CDC14B: variants seen among roughly 807,000 people sequenced by gnomAD.
CDC14B encodes cell division cycle 14B, also known as dual specificity protein phosphatase CDC14B.
Under a neutral mutation model 64.2 loss-of-function variants are expected in CDC14B, and 22 were observed. The observed-to-expected ratio is 0.34, with a 90% CI of 0.24 to 0.49. The LOEUF (loss-of-function observed/expected upper bound fraction) is 0.49, where lower values mean the gene tolerates loss of function less well. Among genes scored for constraint, CDC14B ranks in the 20% least tolerant of loss-of-function variants. The pLI is 0.99. For missense variants in CDC14B, 498 were observed against 629.9 expected, an observed-to-expected ratio of 0.79 and a Z score of 2.24; for synonymous variants, 191 against 215.8, an observed-to-expected ratio of 0.89 and a Z score of 1.01.
chr9:96,595,506 A>G (rs1034536482), intron 1 of CDC14B, among the ~76,000 whole-genome samples: 1 of 152,230 alleles, frequency 6.6e-6, no homozygotes, highest in African/African-American at 2.4e-5. Context: ...CACCCACATA[A>G]AAACTTGTAC....
intron 1 of CDC14B, among the ~76,000 whole-genome samples, chr9:96,581,722 AG>A (rs917237111): frequency 3.9e-5 from 6 of 152,026 alleles, no homozygotes; most frequent in African/African-American, 1.4e-4. Flanking sequence ...CTGGGGAGTG[AG>A]GGAAGGATGA....
chr9:96,560,291 C>T (rs1218647276), intron 4 of CDC14B, among the ~76,000 whole-genome samples: 1 of 152,176 alleles, frequency 6.6e-6, no homozygotes, highest in Non-Finnish European at 1.5e-5. Flanking sequence ...GATGGAACTT[C>T]AGCCATCCAG....
chr9:96,546,453 CG>C (rs1034959719), intron 5 of CDC14B, among the ~76,000 whole-genome samples: 16 of 141,100 alleles, frequency 1.1e-4, no homozygotes, highest in African/African-American at 4.4e-4. Flanking sequence ...TTTTTTTTTG[CG>C]GGGAGTGGGG....
At chr9:96,545,334 T>C (rs1018780377) in intron 5 of CDC14B, among the ~76,000 whole-genome samples, 7 of 151,034 alleles carry the variant, frequency 4.6e-5, no homozygotes, top group Non-Finnish European at 1.0e-4. Context: ...ATTTTCTTTT[T>C]TTTTTTTTTT....
chr9:96,614,683 A>AC (rs568915593), intron 1 of CDC14B, among the ~76,000 whole-genome samples: 138 of 152,084 alleles, frequency 9.1e-4, no homozygotes, highest in African/African-American at 3.1e-3. Context: ...AAAGATTCAG[A>AC]CCTCTGACAT....
chr9:96,521,581 G>A (rs1240592868), intron 12 of CDC14B, among the ~76,000 whole-genome samples: 2 of 152,184 alleles, frequency 1.3e-5, no homozygotes, highest in African/African-American at 4.8e-5. Context: ...TGCCTTAGGT[G>A]TAATTCTACT....
intron 1 of CDC14B, among the ~76,000 whole-genome samples, chr9:96,599,330 G>A (rs763891304): frequency 1.3e-5 from 2 of 151,670 alleles, no homozygotes; most frequent in Admixed American, 6.6e-5. Context: ...GCAGTGAGCC[G>A]AGATCTCGCC....
chr9:96,580,900 T>C (rs1845107830), intron 1 of CDC14B, among the ~76,000 whole-genome samples: 1 of 152,138 alleles, frequency 6.6e-6, no homozygotes, highest in African/African-American at 2.4e-5. Flanking sequence ...AAATCAAAAC[T>C]AAGCCTTATT....
intron 9 of CDC14B, among the ~76,000 whole-genome samples, chr9:96,527,922 G>T (rs565518757): frequency 6.2e-4 from 95 of 152,072 alleles, no homozygotes; most frequent in African/African-American, 2.3e-3. Flanking sequence ...GCCAACTCTG[G>T]ACCCATTAAA....
rs1416920739 is a variant in CDC14B at position 96,501,988 on chromosome 9, A to G, written c.*1765T>C. 7 of 152,250 alleles carry G rather than the reference A, an allele frequency of 4.6e-5. No homozygotes were observed. Among genetic ancestry groups the G allele is most frequent in the Admixed American group, 1.3e-4 (2 of 15,280 alleles). 9.4% of individuals were successfully genotyped at this position (152,250 alleles called of 1,614,324 possible). ...GAAGAAGAGGTGCCCTGAGAATTCA[A>G]TGCTTTATGCATGGCACAGTTTGAA... is the stretch of plus-strand genomic sequence containing the variant. On this transcript the variant is annotated 3_prime_UTR_variant, in exon 14 of 14. Coordinates refer to ENST00000375241, the MANE Select transcript of CDC14B (RefSeq NM_033331.4).
At chr9:96,553,802 TC>T in intron 4 of CDC14B, among the ~76,000 whole-genome samples, 1 of 152,054 alleles carries the variant, frequency 6.6e-6, no homozygotes, top group East Asian at 1.9e-4. Flanking sequence ...CCAGATAACA[TC>T]AGTAAAGTCT....
At chr9:96,545,883 T>C (rs986208678) in intron 5 of CDC14B, among the ~76,000 whole-genome samples, 1 of 152,158 alleles carries the variant, frequency 6.6e-6, no homozygotes, top group Admixed American at 6.6e-5. Flanking sequence ...ACCTCCAATT[T>C]TAGACACACC....
intron 5 of CDC14B, among the ~76,000 whole-genome samples, chr9:96,546,402 G>C (rs1320341961): frequency 6.6e-6 from 1 of 151,680 alleles, no homozygotes; most frequent in Non-Finnish European, 1.5e-5. Flanking sequence ...TGACTGACTG[G>C]AAAGGGGTGG....
chr9:96,577,282 T>C (rs1193062124), intron 1 of CDC14B, among the ~76,000 whole-genome samples: 2 of 148,634 alleles, frequency 1.3e-5, no homozygotes, highest in Admixed American at 1.3e-4. Context: ...GATGAAAAGA[T>C]CATAAAAAAA....
intron 12 of CDC14B, among the ~76,000 whole-genome samples, chr9:96,511,134 G>A (rs189106534): frequency 6.0e-4 from 91 of 152,226 alleles, no homozygotes; most frequent in Non-Finnish European, 8.8e-4. Flanking sequence ...CCCACCTCAC[G>A]GGCCTCAGCT....
chr9:96,551,273 C>CGG (rs1411672860), intron 5 of CDC14B, among the ~76,000 whole-genome samples: 1 of 151,888 alleles, frequency 6.6e-6, no homozygotes, highest in Non-Finnish European at 1.5e-5. Flanking sequence ...TGTGCAACCA[C>CGG]GCCTGGCTAA....
chr9:96,567,808 A>T (rs1844196287), intron 1 of CDC14B, among the ~76,000 whole-genome samples: 1 of 152,160 alleles, frequency 6.6e-6, no homozygotes, highest in South Asian at 2.1e-4. Flanking sequence ...AAAAATAACT[A>T]AAAGAGTACA....
At chr9:96,604,139 T>C (rs1846694259) in intron 1 of CDC14B, among the ~76,000 whole-genome samples, 1 of 152,114 alleles carries the variant, frequency 6.6e-6, no homozygotes, top group Non-Finnish European at 1.5e-5. Flanking sequence ...GGCTCAGCTC[T>C]TCCAGTCACT....
chr9:96,516,331 A>G (rs1243014586), intron 12 of CDC14B, among the ~76,000 whole-genome samples: 1 of 152,174 alleles, frequency 6.6e-6, no homozygotes, highest in African/African-American at 2.4e-5. Flanking sequence ...TTTTTATAAT[A>G]TGGTTCACAT....
Sources: allele counts gnomAD v4.1 joint callset (sites outside exome capture counted in the v4.1 genomes callset), GRCh38; gene constraint gnomAD v4.1.1; transcripts MANE v1.5; gene names NCBI Gene and HGNC (gene_info 2026-07-23, HGNC 2026-07-21).